COP1: variants seen among roughly 807,000 people sequenced by gnomAD.
COP1 encodes the protein COP1 E3 ubiquitin ligase, also known as E3 ubiquitin-protein ligase COP1.
In COP1, 24 loss-of-function variants were observed where a neutral mutation model predicts 101.3. The observed-to-expected ratio is 0.24, with a 90% confidence interval of 0.17 to 0.33. The LOEUF (loss-of-function observed/expected upper bound fraction) is 0.33, where lower values mean the gene tolerates loss of function less well. Among genes scored for constraint, COP1 ranks in the 10% least tolerant of loss-of-function variants. COP1 has a pLI of 1.00. For missense variants in COP1, 663 were observed against 906.2 expected (o/e 0.73, Z 3.45); for synonymous variants, 347 against 341.9 (o/e 1.01, Z -0.17).
rs61822764 is a variant in COP1, at chr1:176,006,920, A to C, written c.1730-17441T>G. 1.8e-3 allele frequency among the ~76,000 whole-genome samples: 271 copies of C among 151,648 alleles called. 3 individuals carry two copies. The highest frequency in any genetic ancestry group is 6.5e-3 in the South Asian group (31 of 4,802). On this transcript the variant is annotated intron_variant, in intron 15 of 19. Coordinates refer to ENST00000367669, the MANE Select transcript of COP1 (RefSeq NM_022457.7). ...TGCCTTGCTAGATTGGGGAAGTTCT[A>C]CTGGATAATATCCTGCAGAGTGTTT...
intron 3 of COP1, among the ~76,000 whole-genome samples, chr1:176,173,976 G>A (rs1186682329): frequency 2.5e-5 from 1 of 39,234 alleles, no homozygotes; most frequent in Non-Finnish European, 6.0e-5. Flanking sequence ...AACAGAGTGA[G>A]ATGCTGTCTC....
chr1:176,096,538 A>G (rs1682417879), intron 9 of COP1, among the ~76,000 whole-genome samples: 1 of 152,250 alleles, frequency 6.6e-6, no homozygotes, highest in African/African-American at 2.4e-5. Context: ...GACTGGCCAG[A>G]CTACCATTGG....
chr1:176,139,167 T>TA (rs1690256795), intron 6 of COP1, among the ~76,000 whole-genome samples: 1 of 146,484 alleles, frequency 6.8e-6, no homozygotes, highest in Admixed American at 6.9e-5. Flanking sequence ...CCATCACACA[T>TA]AAAAAAATGC....
At chr1:176,044,266 A>C (rs1671116815) in intron 12 of COP1, among the ~76,000 whole-genome samples, 1 of 152,248 alleles carries the variant, frequency 6.6e-6, no homozygotes, top group Non-Finnish European at 1.5e-5. Context: ...TTACATCCCA[A>C]AAGTCTTGAC....
At chr1:175,946,417 C>G (rs1649177532) in intron 19 of COP1, among the ~76,000 whole-genome samples, 1 of 152,054 alleles carries the variant, frequency 6.6e-6, no homozygotes, top group African/African-American at 2.4e-5. Flanking sequence ...GAAGCTATGG[C>G]AAAATTAATG....
rs550095475 is a variant in COP1, at chr1:176,170,071, C to T, written c.565+5839G>A. 1.1e-4 allele frequency among the ~76,000 whole-genome samples: 17 copies of T among 152,322 alleles called. No homozygotes were observed. In the South Asian group the frequency reaches 3.3e-3, roughly 30 times the overall value. On this transcript the variant is annotated intron_variant, in intron 3 of 19. Coordinates refer to ENST00000367669, the MANE Select transcript of COP1 (RefSeq NM_022457.7). ...CTGTTTAAGTTTTATCAGGATAGTACAGGAAAATTCAGTCACATCTTCAGG... is the reference window on the plus strand; with the variant it reads ...CTGTTTAAGTTTTATCAGGATAGTATAGGAAAATTCAGTCACATCTTCAGG...
chr1:176,153,289 G>A (rs1220266379), intron 5 of COP1, among the ~76,000 whole-genome samples: 2 of 151,886 alleles, frequency 1.3e-5, no homozygotes, highest in South Asian at 2.1e-4. Flanking sequence ...AAAATTCTCT[G>A]GAATAACAAA....
At chr1:175,982,852 T>C (rs1024662761) in intron 18 of COP1, among the ~76,000 whole-genome samples, 1 of 152,132 alleles carries the variant, frequency 6.6e-6, no homozygotes, top group Admixed American at 6.5e-5. Context: ...GAGAATAGAA[T>C]GGTAGTTACC....
chr1:176,188,340 A>C (rs995634932), intron 1 of COP1, among the ~76,000 whole-genome samples: 1 of 152,184 alleles, frequency 6.6e-6, no homozygotes, highest in Non-Finnish European at 1.5e-5. Context: ...AAAATCTCAG[A>C]AACTACAGAA....
At chr1:176,183,421 G>T (rs942513262) in intron 2 of COP1, among the ~76,000 whole-genome samples, 1 of 152,134 alleles carries the variant, frequency 6.6e-6, no homozygotes, top group Non-Finnish European at 1.5e-5. Context: ...CATCCATCAG[G>T]ATGGCTACTA....
chr1:176,142,199 G>C (rs1366192134), intron 6 of COP1, among the ~76,000 whole-genome samples: 1 of 151,804 alleles, frequency 6.6e-6, no homozygotes, highest in African/African-American at 2.4e-5. Context: ...GTAACAGAGA[G>C]AGCAACCACT....
chr1:176,022,995 G>C (rs907726538), intron 15 of COP1, among the ~76,000 whole-genome samples: 1 of 152,154 alleles, frequency 6.6e-6, no homozygotes, highest in East Asian at 1.9e-4. Flanking sequence ...GAGATGTGGG[G>C]GTTTTCTGTT....
rs1427940098 is a variant in COP1, at chr1:175,949,850, TGGGGA to T, written c.2134-2616_2134-2612del. On this transcript the variant is annotated intron_variant, in intron 18 of 19. Coordinates refer to ENST00000367669, the MANE Select transcript of COP1 (RefSeq NM_022457.7). ...GACCTGGTGAAGATGAGGATTCACTTGGGGATAAGCAGGGAGTCTACTTCTGGCAG... is the reference window on the plus strand; with the variant it reads ...GACCTGGTGAAGATGAGGATTCACTTTAAGCAGGGAGTCTACTTCTGGCAG... Among the ~76,000 whole-genome samples, 3 of 152,212 alleles carry T rather than the reference TGGGGA, an allele frequency of 2.0e-5. No homozygotes were observed. The East Asian group carries it at 5.8e-4, about 29-fold the overall frequency.
At chr1:176,034,159 C>G (rs1003675564) in intron 14 of COP1, among the ~76,000 whole-genome samples, 3 of 152,170 alleles carry the variant, frequency 2.0e-5, no homozygotes, top group Admixed American at 6.5e-5. Context: ...GAATTCTAAA[C>G]TTAAATGAAA....
chr1:175,957,398 C>T (rs1650786837), intron 18 of COP1, among the ~76,000 whole-genome samples: 1 of 152,164 alleles, frequency 6.6e-6, no homozygotes, highest in Admixed American at 6.5e-5. Context: ...CAACTGCCTA[C>T]ACTATTCAGT....
intron 2 of COP1, among the ~76,000 whole-genome samples, chr1:176,177,514 A>G (rs1188443271): frequency 1.3e-5 from 2 of 152,086 alleles, no homozygotes; most frequent in Admixed American, 6.5e-5. Context: ...TGTTAACAGT[A>G]TTTGTTTCTG....
intron 18 of COP1, among the ~76,000 whole-genome samples, chr1:175,959,537 T>C (rs1196234899): frequency 6.6e-6 from 1 of 152,060 alleles, no homozygotes; most frequent in Non-Finnish European, 1.5e-5. Context: ...ATGAATTAAT[T>C]GTGTGCATAA....
At chr1:176,134,125 C>T (rs1444978442) in intron 8 of COP1, among the ~76,000 whole-genome samples, 1 of 151,890 alleles carries the variant, frequency 6.6e-6, no homozygotes, top group African/African-American at 2.4e-5. Context: ...GAACTAGATC[C>T]ATAATAGCTT....
chr1:176,135,726 T>C (rs1689690647), intron 7 of COP1, among the ~76,000 whole-genome samples: 1 of 152,012 alleles, frequency 6.6e-6, no homozygotes, highest in African/African-American at 2.4e-5. Flanking sequence ...CTAACTTTGA[T>C]TAATGAAAAA....
Sources: gnomAD v4.1 joint callset for allele counts (sites outside exome capture counted in the v4.1 genomes callset) on GRCh38, gnomAD v4.1.1 for gene constraint, MANE v1.5 for transcripts, NCBI Gene and HGNC (gene_info 2026-07-23, HGNC 2026-07-21) for gene names.